The following SCARA3 variants were observed in gnomAD, a reference collection of about 807,000 sequenced individuals.
SCARA3 encodes the protein scavenger receptor class A member 3.
In SCARA3, 39 loss-of-function variants were observed where a neutral mutation model predicts 47.0. The ratio of observed to expected loss-of-function variants is 0.83; its 90% CI spans 0.64 to 1.08. The LOEUF (loss-of-function observed/expected upper bound fraction) is 1.08, where lower values mean the gene tolerates loss of function less well. Ranked by LOEUF, SCARA3 falls within the 50% of genes least tolerant of loss-of-function variation. The pLI, the probability that SCARA3 is intolerant of heterozygous loss-of-function variation, is 0.00. For missense variants in SCARA3, 724 were observed against 792.3 expected (o/e 0.91, Z 1.04); for synonymous variants, 356 against 334.1 (o/e 1.07, Z -0.71).
At chr8:27,706,310 T>C in the SCARA3 span, among the ~76,000 whole-genome samples, 2 of 152,248 alleles carry the variant, frequency 1.3e-5, no homozygotes, top group African/African-American at 4.8e-5. Flanking sequence ...TGCACCACCA[T>C]GCCCAGCTAA....
the SCARA3 span, among the ~76,000 whole-genome samples, chr8:27,706,489 T>G: frequency 5.3e-5 from 8 of 152,044 alleles, no homozygotes; most frequent in Admixed American, 2.6e-4. Flanking sequence ...GAGTCTACAC[T>G]TGAATGAAGG....
At chr8:27,703,660 G>A in the SCARA3 span, 1 of 152,132 alleles carries the variant, frequency 6.6e-6, no homozygotes, top group African/African-American at 2.4e-5. Flanking sequence ...CTTCAAGATG[G>A]GGCTTGAACT....
intron 5 of SCARA3, among the ~76,000 whole-genome samples, chr8:27,660,075 C>T (rs1167715536): frequency 6.6e-6 from 1 of 152,032 alleles, no homozygotes; most frequent in African/African-American, 2.4e-5. Flanking sequence ...TTCCCACCCC[C>T]TCATTAATGC....
the SCARA3 span, among the ~76,000 whole-genome samples, chr8:27,710,229 CAAAAA>C: frequency 1.9e-5 from 2 of 105,080 alleles, no homozygotes. Flanking sequence ...GACTCCGTCT[CAAAAA>C]AAAAAAAAAA....
the SCARA3 span, among the ~76,000 whole-genome samples, chr8:27,712,909 G>C: frequency 1.3e-5 from 2 of 151,910 alleles, no homozygotes; most frequent in African/African-American, 2.4e-5. Context: ...TCCAAGTAAA[G>C]TACAAAGTAC....
In SCARA3 at chr8:27,670,967, C is replaced by A. The variant is rs2128923940; in HGVS notation, c.1437C>A (p.Gly479=). 1.2e-6 allele frequency: 2 copies of A among 1,600,980 alleles called. No individual in the cohort carries two copies. Among genetic ancestry groups the A allele is most frequent in the East Asian group, 2.2e-5 (1 of 44,744 alleles). Residue 479 remains glycine, a synonymous_variant, in exon 6 of 6, where the codon GGC becomes GGA. Coordinates refer to ENST00000301904, the MANE Select transcript of SCARA3 (RefSeq NM_016240.3). ...GDMGVKGPVG[G]RGPKGDPGSL... Reference sequence around the variant, plus strand: ...TGGGCGTGAAAGGGCCTGTTGGCGGCAGAGGCCCGAAAGGAGACCCCGGCA... The same window carrying A: ...TGGGCGTGAAAGGGCCTGTTGGCGGAAGAGGCCCGAAAGGAGACCCCGGCA...
intron 1 of SCARA3, among the ~76,000 whole-genome samples, chr8:27,642,909 C>T (rs943147729): frequency 1.3e-5 from 2 of 151,918 alleles, no homozygotes; most frequent in South Asian, 2.1e-4. Flanking sequence ...TCAGGGGAGT[C>T]GGGGGGGTTG....
the SCARA3 span, among the ~76,000 whole-genome samples, chr8:27,693,105 A>G: frequency 6.7e-6 from 1 of 148,702 alleles, no homozygotes; most frequent in Non-Finnish European, 1.5e-5. Context: ...AGCCTGGGGA[A>G]CAGAGAGAGA....
chr8:27,659,862 AAAAAAAAAAAAAAAAGAG>A (rs1180552561), intron 5 of SCARA3, among the ~76,000 whole-genome samples: 3 of 126,972 alleles, frequency 2.4e-5, no homozygotes, highest in Non-Finnish European at 5.4e-5. Context: ...AAAAAAAAAA[AAAAAAAAAAAAAAAAGAG>A]AGAGAGAGAG....
the SCARA3 span, among the ~76,000 whole-genome samples, chr8:27,682,109 ACAGAGT>A: frequency 6.6e-6 from 1 of 152,216 alleles, no homozygotes; most frequent in Admixed American, 6.5e-5. Context: ...ATGGAATAGA[ACAGAGT>A]CAGAGATGAA....
rs1802175497 is a variant in SCARA3, at chr8:27,671,879, G to A, written c.*528G>A. The A allele has an allele frequency of 7.1e-6, 7 of 985,380 alleles. No homozygotes were observed. In the South Asian group the frequency reaches 3.3e-4, roughly 46 times the overall value. 61.0% of individuals were successfully genotyped at this position (985,380 alleles called of 1,614,324 possible). A position where few individuals can be genotyped will look rare whatever the true frequency, so the allele number is the denominator to read the frequency against. On this transcript the variant is annotated 3_prime_UTR_variant, in exon 6 of 6. Transcript: ENST00000301904. ...GGGCCAACTGGGTTTCCCTGGCTGGGCAGGAGGAGAGGGCAGAGGAAGACC... is the reference window on the plus strand; with the variant it reads ...GGGCCAACTGGGTTTCCCTGGCTGGACAGGAGGAGAGGGCAGAGGAAGACC...
intron 3 of SCARA3, among the ~76,000 whole-genome samples, chr8:27,654,679 A>G (rs1009641031): frequency 2.4e-4 from 37 of 152,166 alleles, no homozygotes; most frequent in Non-Finnish European, 8.8e-5. Context: ...AGTCCTGGCT[A>G]CTTACGAGGC....
chr8:27,716,187 C>T, the SCARA3 span, among the ~76,000 whole-genome samples: 2 of 152,050 alleles, frequency 1.3e-5, no homozygotes, highest in Non-Finnish European at 2.9e-5. Context: ...GTGGTGCATG[C>T]CAGTAGTCCC....
downstream of SCARA3, chr8:27,676,592 C>T (rs147909987): frequency 1.6e-5 from 25 of 1,576,860 alleles, no homozygotes; most frequent in African/African-American, 6.7e-5. Flanking sequence ...TTCACATAAT[C>T]GGATATGATA....
downstream of SCARA3, among the ~76,000 whole-genome samples, chr8:27,680,632 T>C (rs1409534709): frequency 6.6e-6 from 1 of 152,146 alleles, no homozygotes; most frequent in Non-Finnish European, 1.5e-5. Flanking sequence ...AAATACATAA[T>C]GCCAACATTA....
chr8:27,707,493 T>C, the SCARA3 span, among the ~76,000 whole-genome samples: 2 of 150,902 alleles, frequency 1.3e-5, no homozygotes, highest in South Asian at 4.2e-4. Flanking sequence ...AAAAAAACAT[T>C]CAACAGAAAG....
At chr8:27,654,337 T>C (rs542271428) in intron 3 of SCARA3, among the ~76,000 whole-genome samples, 55 of 152,338 alleles carry the variant, frequency 3.6e-4, no homozygotes, top group Non-Finnish European at 6.0e-4. Flanking sequence ...GTGATGTATA[T>C]GTACTATTTG....
At chr8:27,676,439 A>G (rs559240998), downstream of SCARA3, 142 of 904,930 alleles carry the variant, frequency 1.6e-4, no homozygotes, top group Non-Finnish European at 2.3e-4. Flanking sequence ...GACCTCAGCC[A>G]GGCCCCCGAC....
At chr8:27,670,656 G>A (rs559616634) in intron 5 of SCARA3, among the ~76,000 whole-genome samples, 1 of 152,230 alleles carries the variant, frequency 6.6e-6, no homozygotes, top group East Asian at 1.9e-4. Flanking sequence ...GCCCCTTCTC[G>A]AAGCTGGCCA....
Sources: allele counts gnomAD v4.1 joint callset (sites outside exome capture counted in the v4.1 genomes callset), GRCh38; gene constraint gnomAD v4.1.1; transcripts MANE v1.5; gene names NCBI Gene and HGNC (gene_info 2026-07-23, HGNC 2026-07-21).